The following CACHD1 variants were observed in gnomAD, a reference collection of about 807,000 sequenced individuals.
CACHD1 encodes the protein cache domain containing 1.
Under a neutral mutation model 138.7 loss-of-function variants are expected in CACHD1, and 71 were observed. The observed-to-expected ratio is 0.51, with a 90% CI of 0.42 to 0.62. CACHD1 has a LOEUF of 0.62. Ranked by LOEUF, CACHD1 falls within the 20% of genes least tolerant of loss-of-function variation. The probability of loss-of-function intolerance (pLI) is 0.00; values close to 1 mark genes in which losing one functional copy is unlikely to be tolerated. For missense variants in CACHD1, 1,389 were observed against 1,625.3 expected, an observed-to-expected ratio of 0.85 and a Z score of 2.50; for synonymous variants, 578 against 591.5, an observed-to-expected ratio of 0.98 and a Z score of 0.33.
intron 2 of CACHD1, among the ~76,000 whole-genome samples, chr1:64,555,854 TCAAA>T (rs1323829819): frequency 6.6e-6 from 1 of 152,264 alleles, no homozygotes; most frequent in East Asian, 1.9e-4. Context: ...TCTATCTCTG[TCAAA>T]CAATCTGTAC....
At chr1:64,618,673 G>A (rs1163273231) in intron 4 of CACHD1, among the ~76,000 whole-genome samples, 2 of 152,180 alleles carry the variant, frequency 1.3e-5, no homozygotes, top group Non-Finnish European at 2.9e-5. Context: ...TATGATGCCA[G>A]AAATTTTGTT....
intron 12 of CACHD1, among the ~76,000 whole-genome samples, chr1:64,658,261 A>G (rs187005174): frequency 3.5e-3 from 540 of 152,362 alleles, no homozygotes; most frequent in Non-Finnish European, 5.1e-3. Context: ...TTTTAAAGTG[A>G]GAATTCACTA....
intron 1 of CACHD1, among the ~76,000 whole-genome samples, chr1:64,479,487 G>A (rs191804887): frequency 6.6e-6 from 1 of 152,312 alleles, no homozygotes; most frequent in African/African-American, 2.4e-5. Context: ...CCTTTGATGA[G>A]TGGAAAGATG....
chr1:64,504,903 C>T (rs1371911387), intron 1 of CACHD1, among the ~76,000 whole-genome samples: 1 of 152,170 alleles, frequency 6.6e-6, no homozygotes. Context: ...CGAGGATGTA[C>T]ACCAGGAGCA....
intron 2 of CACHD1, among the ~76,000 whole-genome samples, chr1:64,577,142 C>G (rs935308968): frequency 6.6e-6 from 1 of 151,938 alleles, no homozygotes; most frequent in Non-Finnish European, 1.5e-5. Context: ...GACAGTGTCC[C>G]GCTATGTTGC....
At chr1:64,536,873 G>T (rs951171860) in intron 1 of CACHD1, among the ~76,000 whole-genome samples, 3 of 152,148 alleles carry the variant, frequency 2.0e-5, no homozygotes, top group African/African-American at 7.2e-5. Flanking sequence ...CTAATAGGTG[G>T]CTATGATAAA....
chr1:64,520,851 G>T (rs1557473244), intron 1 of CACHD1, among the ~76,000 whole-genome samples: 1 of 152,132 alleles, frequency 6.6e-6, no homozygotes, highest in Non-Finnish European at 1.5e-5. Flanking sequence ...GTGAAATAGA[G>T]ACTTGGCTCC....
At chr1:64,681,537 T>TTG (rs1220474799) in intron 25 of CACHD1, among the ~76,000 whole-genome samples, 2 of 140,782 alleles carry the variant, frequency 1.4e-5, no homozygotes, top group African/African-American at 5.3e-5. Flanking sequence ...AAAGATTTTA[T>TTG]TGTGTTTTTT....
intron 2 of CACHD1, among the ~76,000 whole-genome samples, chr1:64,566,488 C>T (rs866588125): frequency 2.0e-4 from 29 of 144,686 alleles, no homozygotes; most frequent in African/African-American, 7.1e-4. Context: ...TTCCCCCCCC[C>T]CCACAAGGTA....
intron 26 of CACHD1, among the ~76,000 whole-genome samples, chr1:64,683,017 C>T (rs1650242296): frequency 6.6e-6 from 1 of 151,684 alleles, no homozygotes; most frequent in Non-Finnish European, 1.5e-5. Context: ...TTAGCTTTTT[C>T]CACACCTATC....
Position 64,532,944 on chromosome 1 carries a change from TG to T in CACHD1, c.199-17649del, listed in dbSNP as rs572862268. 3.5e-3 allele frequency among the ~76,000 whole-genome samples: 526 copies of T among 152,040 alleles called. 4 individuals carry two copies. Among genetic ancestry groups the T allele is most frequent in the African/African-American group, 0.012 (509 of 41,426 alleles). On this transcript the variant is annotated intron_variant, in intron 1 of 26. Coordinates refer to ENST00000651257, the MANE Select transcript of CACHD1 (RefSeq NM_020925.4). ...TAGAAGGTAACAGCTCAGGAGGATT[TG>T]TTACTGTTTATTGGTATTTTTTATA...
intron 4 of CACHD1, among the ~76,000 whole-genome samples, chr1:64,603,573 C>T (rs1007681254): frequency 6.6e-6 from 1 of 152,008 alleles, no homozygotes; most frequent in Non-Finnish European, 1.5e-5. Flanking sequence ...CTTTGCATTC[C>T]CTAGTTACAA....
rs532167306 is a variant in CACHD1 at position 64,593,596 on chromosome 1, G to A, written c.411-9210G>A. On this transcript the variant is annotated intron_variant, in intron 3 of 26. Coordinates refer to ENST00000651257, the MANE Select transcript of CACHD1 (RefSeq NM_020925.4). ...CCATGAAGATATGTTTTGTGTTTAT[G>A]CCCAATGAAGTGTTGTATGGCAAGT... 2.0e-5 allele frequency among the ~76,000 whole-genome samples: 3 copies of A among 152,126 alleles called. No homozygotes were observed. The East Asian group carries it at 5.8e-4, about 29-fold the overall frequency.
intron 1 of CACHD1, among the ~76,000 whole-genome samples, chr1:64,474,700 GC>G (rs1570287206): frequency 1.3e-5 from 2 of 152,360 alleles, no homozygotes; most frequent in South Asian, 4.1e-4. Context: ...AAGTAACAAT[GC>G]CTGCTTGTTA....
At position 64,470,852 on chromosome 1, in the gene CACHD1, A is replaced by G. The variant is rs752081312; in HGVS notation, c.108A>G (p.Glu36=). The G allele has an allele frequency of 3.1e-6, 5 of 1,596,170 alleles. No homozygotes were observed. The highest frequency in any genetic ancestry group is 1.3e-5 in the African/African-American group (1 of 74,892). ...GCTGGCTCCTGGGCGCCGGGGCCGA[A>G]GCCGACTTCTCCATCCTGGACGAGG... is the stretch of plus-strand genomic sequence containing the variant. The part of the protein sequence containing the change: ...VACWLLGAGA[E]ADFSILDEAQ... The change falls in exon 1 of 27, where the codon GAA becomes GAG. Residue 36 remains glutamate, a synonymous_variant. Transcript: ENST00000651257. This position sits in a 1 kb window ranked among gnomAD's most constrained non-coding sequence, Gnocchi z 5.2.
intron 2 of CACHD1, among the ~76,000 whole-genome samples, chr1:64,580,407 C>G (rs1171589836): frequency 6.6e-6 from 1 of 152,022 alleles, no homozygotes; most frequent in Non-Finnish European, 1.5e-5. Context: ...TGCAATTTAT[C>G]CATGTAACAA....
intron 26 of CACHD1, among the ~76,000 whole-genome samples, chr1:64,683,207 C>T (rs1293802708): frequency 1.3e-5 from 2 of 152,180 alleles, no homozygotes; most frequent in East Asian, 3.9e-4. Flanking sequence ...TTAATTTGGG[C>T]TTTGAATGAC....
chr1:64,663,238 G>A (rs922181221), intron 13 of CACHD1, among the ~76,000 whole-genome samples: 1 of 147,212 alleles, frequency 6.8e-6, no homozygotes, highest in Non-Finnish European at 1.5e-5. Context: ...CTCCCTGAAG[G>A]GAGAGAATGT....
intron 5 of CACHD1, among the ~76,000 whole-genome samples, chr1:64,631,914 A>G (rs967477876): frequency 7.2e-5 from 11 of 152,134 alleles, no homozygotes; most frequent in Non-Finnish European, 1.0e-4. Flanking sequence ...TCCAGAAAGG[A>G]AAGGGGCCTC....
Sources: allele counts gnomAD v4.1 joint callset (sites outside exome capture counted in the v4.1 genomes callset), GRCh38; gene constraint gnomAD v4.1.1; non-coding constraint Gnocchi (gnomAD v3.1); transcripts MANE v1.5; gene names NCBI Gene and HGNC (gene_info 2026-07-23, HGNC 2026-07-21).